The following CAPZB variants were observed in gnomAD, a reference collection of about 807,000 sequenced individuals.
CAPZB encodes the protein F-actin-capping protein subunit beta.
Under a neutral mutation model 38.1 loss-of-function variants are expected in CAPZB, and 2 were observed. The observed-to-expected ratio is 0.05, with a 90% CI of 0.02 to 0.17. The LOEUF (loss-of-function observed/expected upper bound fraction) is 0.17, where lower values mean the gene tolerates loss of function less well. Among genes scored for constraint, CAPZB ranks in the 10% least tolerant of loss-of-function variants. The pLI, the probability that CAPZB is intolerant of heterozygous loss-of-function variation, is 1.00. For missense variants in CAPZB, 161 were observed against 334.2 expected, an observed-to-expected ratio of 0.48 and a Z score of 4.04; for synonymous variants, 107 against 127.4, an observed-to-expected ratio of 0.84 and a Z score of 1.08.
At chr1:19,471,320 ATT>A (rs2094586178) in intron 1 of CAPZB, among the ~76,000 whole-genome samples, 1 of 152,166 alleles carries the variant, frequency 6.6e-6, no homozygotes, top group African/African-American at 2.4e-5. Flanking sequence ...CTCTTTCCCC[ATT>A]TGTTTCCCTT....
At chr1:19,416,115 C>A (rs1570195968) in intron 2 of CAPZB, among the ~76,000 whole-genome samples, 1 of 152,248 alleles carries the variant, frequency 6.6e-6, no homozygotes. Context: ...AACCACTAAT[C>A]ATAAATGGCC....
At chr1:19,398,878 CTTT>C (rs35605042) in intron 2 of CAPZB, among the ~76,000 whole-genome samples, 27 of 140,842 alleles carry the variant, frequency 1.9e-4, no homozygotes, top group Admixed American at 2.8e-4. Context: ...CTGCACAACT[CTTT>C]TTTTTTTTTT....
intron 1 of CAPZB, among the ~76,000 whole-genome samples, chr1:19,460,759 C>G (rs572750610): frequency 2.0e-5 from 3 of 152,064 alleles, no homozygotes. Flanking sequence ...GGTCTTGGCA[C>G]ACATTCCCCA....
At chr1:19,457,852 G>C (rs531252697) in intron 1 of CAPZB, among the ~76,000 whole-genome samples, 1 of 151,564 alleles carries the variant, frequency 6.6e-6, no homozygotes, top group Non-Finnish European at 1.5e-5. Flanking sequence ...TCGCTTATAA[G>C]GAAAAAAAAG....
At chr1:19,401,902 A>G (rs1488193256) in intron 2 of CAPZB, among the ~76,000 whole-genome samples, 1 of 152,168 alleles carries the variant, frequency 6.6e-6, no homozygotes, top group East Asian at 1.9e-4. Context: ...GTTTTCCCCA[A>G]ACAGCTAATA....
At chr1:19,368,661 CCTTT>C (rs1450028917) in intron 4 of CAPZB, among the ~76,000 whole-genome samples, 1 of 122,634 alleles carries the variant, frequency 8.2e-6, no homozygotes, top group Non-Finnish European at 1.8e-5. Flanking sequence ...TGCAAGAATG[CCTTT>C]TTTTTTTTTT....
chr1:19,484,197 G>T, intron 1 of CAPZB: 1 of 1,612,136 alleles, frequency 6.2e-7, no homozygotes, highest in South Asian at 1.1e-5. Flanking sequence ...CACCTGATCC[G>T]AGGGACTTCC....
At chr1:19,405,109 G>A (rs992238161) in intron 2 of CAPZB, among the ~76,000 whole-genome samples, 1 of 152,202 alleles carries the variant, frequency 6.6e-6, no homozygotes, top group Non-Finnish European at 1.5e-5. Flanking sequence ...TCAGCTCCAA[G>A]AGGCATCCGT....
rs115866612 is a variant in CAPZB at position 19,367,116 on chromosome 1, G to A, written c.330-9553C>T. 7.4e-4 allele frequency among the ~76,000 whole-genome samples: 113 copies of A among 152,376 alleles called. 1 individual carries two copies. Among genetic ancestry groups the A allele is most frequent in the African/African-American group, 2.6e-3 (108 of 41,586 alleles). Reference sequence around the variant, plus strand: ...CGCATCCCCTGTCCAATGGATGGGCGTGGGTGCTGCCCAGTGGGCACAATG... The same window carrying A: ...CGCATCCCCTGTCCAATGGATGGGCATGGGTGCTGCCCAGTGGGCACAATG... On this transcript the variant is annotated intron_variant, in intron 4 of 8. Coordinates refer to ENST00000264202, the MANE Select transcript of CAPZB (RefSeq NM_004930.5).
rs183056859 is a variant in CAPZB, at chr1:19,482,645, G to A, written c.3+2791C>T. Among the ~76,000 whole-genome samples, 201 of 152,334 alleles carry A rather than the reference G, an allele frequency of 1.3e-3. 1 individual carries two copies. Among genetic ancestry groups the A allele is most frequent in the African/African-American group, 4.5e-3 (187 of 41,572 alleles). On this transcript the variant is annotated intron_variant, in intron 1 of 8. Transcript: ENST00000264202. ...TTGCCTATGCATTTTAACTGGGAAG[G>A]AGAAACTCATGCCAACAAAAATCAT...
intron 2 of CAPZB, among the ~76,000 whole-genome samples, chr1:19,406,254 G>C (rs1473824639): frequency 1.3e-5 from 2 of 152,202 alleles, no homozygotes; most frequent in East Asian, 3.9e-4. Flanking sequence ...GCTTCTTTAT[G>C]TAAGCAATGC....
rs1569932341 is a variant in CAPZB at position 19,356,781 on chromosome 1, C to T, written c.472-30G>A. 4 of 1,511,324 alleles carry T rather than the reference C, an allele frequency of 2.6e-6. No individual in the cohort carries two copies. The highest frequency in any genetic ancestry group is 3.7e-6 in the Non-Finnish European group (4 of 1,088,292). The allele number at this position is 1,511,324 out of a possible 1,614,324, so 93.6% of individuals were successfully genotyped here. On this transcript the variant is annotated intron_variant, in intron 5 of 8. Coordinates refer to ENST00000264202, the MANE Select transcript of CAPZB (RefSeq NM_004930.5). The surrounding 1 kb of genome is among the most constrained non-coding windows in gnomAD (Gnocchi z 4.3). ...AAGGACAAGACAGAGATCTGTTGAG[C>T]TGAGGGAGAGCCTGAAGTGGCCCCT...
intron 7 of CAPZB, among the ~76,000 whole-genome samples, 181 bp downstream of exon 7, chr1:19,345,006 G>C (rs1412215155): frequency 2.6e-5 from 4 of 152,348 alleles, no homozygotes; most frequent in South Asian, 2.1e-4. Context: ...GCTGGAGCCT[G>C]CTGGCATCCA....
chr1:19,478,087 C>G (rs2094613319), intron 1 of CAPZB, among the ~76,000 whole-genome samples: 2 of 152,196 alleles, frequency 1.3e-5, no homozygotes, highest in Admixed American at 6.5e-5. Context: ...GGGTCTGAGC[C>G]AGTGGTAACA....
intron 1 of CAPZB, among the ~76,000 whole-genome samples, chr1:19,480,949 T>G (rs547423225): frequency 1.3e-5 from 2 of 152,320 alleles, no homozygotes; most frequent in African/African-American, 4.8e-5. Flanking sequence ...CTTTGCACAC[T>G]TTTGGAAAAT....
At chr1:19,358,418 A>G (rs2094033444) in intron 4 of CAPZB, among the ~76,000 whole-genome samples, 1 of 152,218 alleles carries the variant, frequency 6.6e-6, no homozygotes, top group African/African-American at 2.4e-5. Flanking sequence ...GATTACAGGC[A>G]TGAGCCACTG....
chr1:19,363,260 A>AATTTTTTTT (rs755017379), intron 4 of CAPZB, among the ~76,000 whole-genome samples: 1 of 123,126 alleles, frequency 8.1e-6, no homozygotes, highest in South Asian at 2.8e-4. Flanking sequence ...TAAAAAAAAA[A>AATTTTTTTT]TTTTTTTTTT....
chr1:19,418,786 C>CA (rs1444430809), intron 2 of CAPZB, among the ~76,000 whole-genome samples: 1 of 152,182 alleles, frequency 6.6e-6, no homozygotes, highest in East Asian at 1.9e-4. Context: ...TGAATGCATA[C>CA]AATGGAATTA....
At chr1:19,450,815 G>A (rs1011595382) in intron 1 of CAPZB, among the ~76,000 whole-genome samples, 3 of 152,140 alleles carry the variant, frequency 2.0e-5, no homozygotes, top group African/African-American at 7.2e-5. Context: ...GAGGGAAAAA[G>A]TATCTAAAAT....
Sources: gnomAD v4.1 joint callset for allele counts (sites outside exome capture counted in the v4.1 genomes callset) on GRCh38, gnomAD v4.1.1 for gene constraint, Gnocchi (gnomAD v3.1) non-coding constraint, MANE v1.5 for transcripts, NCBI Gene and HGNC (gene_info 2026-07-23, HGNC 2026-07-21) for gene names.